Variants in TGFBR2 observed in about 807,000 individuals in gnomAD.
TGFBR2 encodes the protein TGF-beta receptor type-2.
TGFBR2 carries 18 observed loss-of-function variants against 49.0 expected under a neutral mutation model. The observed-to-expected ratio is 0.37, with a 90% CI of 0.25 to 0.54. TGFBR2 has a LOEUF of 0.54. Ranked by LOEUF, TGFBR2 falls within the 20% of genes least tolerant of loss-of-function variation. The pLI, the probability that TGFBR2 is intolerant of heterozygous loss-of-function variation, is 0.85. For missense variants in TGFBR2, 525 were observed against 722.6 expected (o/e 0.73, Z 3.13); for synonymous variants, 282 against 275.9 (o/e 1.02, Z -0.22).
rs1347722182 is a variant in TGFBR2 at position 30,650,361 on chromosome 3, C to T, written c.355C>T (p.Pro119Ser). The T allele has an allele frequency of 6.2e-7, 1 of 1,613,956 alleles. No individual in the cohort carries two copies. Among genetic ancestry groups the T allele is most frequent in the South Asian group, 1.1e-5 (1 of 91,076 alleles). The change falls in exon 3 of 7, where the codon CCA becomes TCA. Residue 119 changes from proline (P) to serine (S), a missense_variant. Pro to Ser is a moderately conservative substitution (Grantham distance 74). Around this residue, in one of 3 missense-constraint regions of TGFBR2, gnomAD observed 376 missense variants for 478.2 expected, o/e 0.79. Transcript: ENST00000295754. ...HDFILEDAAS[P>S]KCIMKEKKKP... ...CTTTATTCTGGAAGATGCTGCTTCT[C>T]CAAAGTGCATTATGAAGGAAAAAAA...
intron 5 of TGFBR2, among the ~76,000 whole-genome samples, chr3:30,680,643 G>C (rs1305797931): frequency 6.6e-6 from 1 of 151,614 alleles, no homozygotes; most frequent in Non-Finnish European, 1.5e-5. Flanking sequence ...GATAGATAAT[G>C]AAAGAGGCTG....
chr3:30,665,957 A>G (rs1018761045), intron 3 of TGFBR2, among the ~76,000 whole-genome samples: 6 of 152,266 alleles, frequency 3.9e-5, no homozygotes, highest in Non-Finnish European at 8.8e-5. Flanking sequence ...AATGCTTTAA[A>G]TAACAATAGC....
At chr3:30,651,138 C>A (rs977600737) in intron 3 of TGFBR2, among the ~76,000 whole-genome samples, 1 of 152,128 alleles carries the variant, frequency 6.6e-6, no homozygotes, top group Admixed American at 6.5e-5. Context: ...TACACTATTC[C>A]CTCAATTTTT....
At chr3:30,655,306 G>T (rs779494446) in intron 3 of TGFBR2, among the ~76,000 whole-genome samples, 1 of 152,180 alleles carries the variant, frequency 6.6e-6, no homozygotes, top group Non-Finnish European at 1.5e-5. Flanking sequence ...GCTGACTGTG[G>T]TGCATAAACT....
intron 1 of TGFBR2, among the ~76,000 whole-genome samples, chr3:30,608,206 G>T (rs1697968040): frequency 6.6e-6 from 1 of 152,026 alleles, no homozygotes; most frequent in Non-Finnish European, 1.5e-5. Context: ...CAAAGTGCTG[G>T]GATTACAGGC....
rs1489967130 is a variant in TGFBR2, at chr3:30,668,247, A to G, written c.455-3391A>G. On this transcript the variant is annotated intron_variant, in intron 3 of 6. Transcript: ENST00000295754. ...CCCCATTCTGCCCCAGGTGCTGTGTATATCATGATGATCAAAACAGACCTG... is the reference window on the plus strand; with the variant it reads ...CCCCATTCTGCCCCAGGTGCTGTGTGTATCATGATGATCAAAACAGACCTG... 2.0e-4 allele frequency among the ~76,000 whole-genome samples: 30 copies of G among 152,184 alleles called. 1 individual carries two copies.
intron 6 of TGFBR2, among the ~76,000 whole-genome samples, chr3:30,690,348 TTCCTGGGCAGGATC>T (rs1699689655): frequency 6.6e-6 from 1 of 152,252 alleles, no homozygotes; most frequent in South Asian, 2.1e-4. Flanking sequence ...TCTTGCCACC[TTCCTGGGCAGGATC>T]TCCTGGATGG....
intron 1 of TGFBR2, among the ~76,000 whole-genome samples, chr3:30,634,592 G>T (rs1053936864): frequency 6.6e-6 from 1 of 152,158 alleles, no homozygotes; most frequent in African/African-American, 2.4e-5. Context: ...TACTTTAGTT[G>T]AATTGGAATG....
At chr3:30,608,545 T>C (rs1300754254) in intron 1 of TGFBR2, among the ~76,000 whole-genome samples, 6 of 152,162 alleles carry the variant, frequency 3.9e-5, no homozygotes, top group Non-Finnish European at 7.3e-5. Flanking sequence ...TCCAGGGACA[T>C]GGGCAGATTT....
chr3:30,689,104 G>T (rs953673659), intron 6 of TGFBR2, among the ~76,000 whole-genome samples: 1 of 152,172 alleles, frequency 6.6e-6, no homozygotes, highest in Non-Finnish European at 1.5e-5. Flanking sequence ...TGGAAGGAAC[G>T]AGAAATCTGT....
chr3:30,653,875 G>A (rs1698946397), intron 3 of TGFBR2, among the ~76,000 whole-genome samples: 1 of 152,122 alleles, frequency 6.6e-6, no homozygotes, highest in African/African-American at 2.4e-5. Context: ...TAATCTTATA[G>A]CCACCCCATG....
intron 1 of TGFBR2, among the ~76,000 whole-genome samples, chr3:30,628,789 T>C (rs528541195): frequency 2.0e-5 from 3 of 152,110 alleles, no homozygotes; most frequent in Non-Finnish European, 4.4e-5. Flanking sequence ...GCAAACCTAG[T>C]TGGGTCCATT....
At chr3:30,656,815 C>G (rs932963375) in intron 3 of TGFBR2, among the ~76,000 whole-genome samples, 1 of 152,212 alleles carries the variant, frequency 6.6e-6, no homozygotes, top group African/African-American at 2.4e-5. Context: ...GTTTGCAGGA[C>G]CAGGGTCCCA....
In TGFBR2 at chr3:30,606,744, CCACATCTGGCCCG is replaced by C; in HGVS notation, c.-131_-119del. On this transcript the variant is annotated 5_prime_UTR_variant, in exon 1 of 7. Transcript: ENST00000295754. The stretch of plus-strand genomic sequence containing the variant: ...CCCCCTCCTGGCTGGCGAGCGGGCG[CCACATCTGGCCCG>C]CACATCTGCGCTGCCGGCCCGGCGC... 1 of 556,678 alleles carries C rather than the reference CCACATCTGGCCCG, an allele frequency of 1.8e-6. No individual in the cohort carries two copies. 34.5% of individuals were successfully genotyped at this position (556,678 alleles called of 1,614,324 possible).
intron 3 of TGFBR2, 122 bp downstream of exon 3, chr3:30,650,582 T>A: frequency 1.9e-6 from 2 of 1,074,530 alleles, no homozygotes; most frequent in Admixed American, 3.6e-5. Flanking sequence ...GATTAGGAGC[T>A]CATTCAGCTG....
Position 30,672,595 on chromosome 3 carries a change from G to A in TGFBR2, c.1254+158G>A, listed in dbSNP as rs1459563733. Among the ~76,000 whole-genome samples, 1 of 152,162 alleles carries A rather than the reference G, an allele frequency of 6.6e-6. No homozygotes were observed. The highest frequency in any genetic ancestry group is 1.5e-5 in the Non-Finnish European group (1 of 68,038). On this transcript the variant is annotated intron_variant, in intron 4 of 6. Coordinates refer to ENST00000295754, the MANE Select transcript of TGFBR2 (RefSeq NM_003242.6). This position sits in a 1 kb window ranked among gnomAD's most constrained non-coding sequence, Gnocchi z 4.5. The stretch of plus-strand genomic sequence containing the variant: ...ATGGAGTCTGCCTTGAGCATACTCT[G>A]CTCTGTCCTGCCTGAGCATTTTTGC...
intron 3 of TGFBR2, among the ~76,000 whole-genome samples, chr3:30,666,639 C>A (rs189369703): frequency 0.018 from 2,497 of 135,342 alleles, 100 homozygotes; most frequent in African/African-American, 0.063. Flanking sequence ...CCTACCCCCC[C>A]ATCCCCGCCC....
At position 30,672,320 on chromosome 3, in the gene TGFBR2, C is replaced by T. The variant is rs1411787654; in HGVS notation, c.1137C>T (p.Asp379=). The change falls in exon 4 of 7, where the codon GAC becomes GAT. Residue 379 remains aspartate, a synonymous_variant. Transcript: ENST00000295754. This position sits in a 1 kb window ranked among gnomAD's most constrained non-coding sequence, Gnocchi z 4.5. ...GRPKMPIVHR[D]LKSSNILVKN... ...CCAAGATGCCCATCGTGCACAGGGA[C>T]CTCAAGAGCTCCAATATCCTCGTGA... The T allele has an allele frequency of 3.7e-6, 6 of 1,612,264 alleles. No individual in the cohort carries two copies. Among genetic ancestry groups the T allele is most frequent in the Admixed American group, 1.7e-5 (1 of 59,962 alleles).
intron 5 of TGFBR2, among the ~76,000 whole-genome samples, chr3:30,686,073 T>C (rs1699615403): frequency 1.3e-5 from 2 of 152,246 alleles, no homozygotes; most frequent in Admixed American, 6.5e-5. Flanking sequence ...ATATTCATTT[T>C]ATAGAAGAGA....
Sources: gnomAD v4.1 joint callset for allele counts (sites outside exome capture counted in the v4.1 genomes callset) on GRCh38, gnomAD v4.1.1 for gene constraint, gnomAD v4.1.1 regional missense constraint, Gnocchi (gnomAD v3.1) non-coding constraint, MANE v1.5 for transcripts, NCBI Gene and HGNC (gene_info 2026-07-23, HGNC 2026-07-21) for gene names.